DPYD: variants seen among roughly 807,000 people sequenced by gnomAD.
DPYD encodes the protein dihydropyrimidine dehydrogenase [NADP(+)].
DPYD carries 109 observed loss-of-function variants against 116.2 expected under a neutral mutation model. That is an observed-to-expected ratio of 0.94 (90% CI 0.80 to 1.10). The LOEUF (loss-of-function observed/expected upper bound fraction) is 1.10. DPYD is among the 50% of genes least tolerant of loss of function. The pLI, the probability that DPYD is intolerant of heterozygous loss-of-function variation, is 0.00. For missense variants in DPYD, 1,302 were observed against 1,254.5 expected (o/e 1.04, Z -0.57); for synonymous variants, 440 against 432.0 (o/e 1.02, Z -0.23).
At chr1:97,529,339 A>G (rs1003199462) in intron 12 of DPYD, among the ~76,000 whole-genome samples, 1 of 152,200 alleles carries the variant, frequency 6.6e-6, no homozygotes, top group African/African-American at 2.4e-5. Context: ...GGAACACAAC[A>G]GTTAACAGAG....
intron 2 of DPYD, among the ~76,000 whole-genome samples, chr1:97,830,073 T>C (rs1471704395): frequency 6.6e-6 from 1 of 152,164 alleles, no homozygotes. Context: ...TCAAAGGACA[T>C]GAATTCATCC....
chr1:97,157,527 C>A (rs992526193), intron 20 of DPYD, among the ~76,000 whole-genome samples: 1 of 152,094 alleles, frequency 6.6e-6, no homozygotes, highest in African/African-American at 2.4e-5. Context: ...ATGGAGTTTC[C>A]TATTATTAAG....
intron 14 of DPYD, among the ~76,000 whole-genome samples, chr1:97,421,104 G>C (rs1674556768): frequency 6.6e-6 from 1 of 152,014 alleles, no homozygotes; most frequent in Non-Finnish European, 1.5e-5. Flanking sequence ...TCACTAACTT[G>C]CCATGTGTAC....
At chr1:97,860,071 G>A (rs1341581301) in intron 2 of DPYD, among the ~76,000 whole-genome samples, 5 of 152,046 alleles carry the variant, frequency 3.3e-5, no homozygotes, top group Non-Finnish European at 7.4e-5. Context: ...GGCTGGGTGC[G>A]GTGGCTCACG....
chr1:97,689,599 G>A (rs1331408590), intron 7 of DPYD, among the ~76,000 whole-genome samples: 1 of 151,934 alleles, frequency 6.6e-6, no homozygotes, highest in Admixed American at 6.6e-5. Context: ...CAAACAGTAT[G>A]AACCCACAAA....
chr1:97,444,457 A>C (rs571067411), intron 14 of DPYD, among the ~76,000 whole-genome samples: 1 of 152,308 alleles, frequency 6.6e-6, no homozygotes, highest in African/African-American at 2.4e-5. Flanking sequence ...AAACATATGA[A>C]ATGCTCTTAA....
At chr1:97,627,809 T>C (rs1375625092) in intron 8 of DPYD, among the ~76,000 whole-genome samples, 1 of 151,508 alleles carries the variant, frequency 6.6e-6, no homozygotes, top group Non-Finnish European at 1.5e-5. Flanking sequence ...ATAACATTAC[T>C]AATAGTATTA....
intron 18 of DPYD, among the ~76,000 whole-genome samples, chr1:97,239,837 T>C (rs552631780): frequency 6.6e-6 from 1 of 152,042 alleles, no homozygotes; most frequent in African/African-American, 2.4e-5. Context: ...ATAATAAAAA[T>C]TGTAATAACG....
At chr1:97,529,973 T>C (rs1261055649) in intron 12 of DPYD, among the ~76,000 whole-genome samples, 4 of 150,842 alleles carry the variant, frequency 2.7e-5, no homozygotes, top group African/African-American at 7.3e-5. Flanking sequence ...CTTTCCAATA[T>C]ACCCAGCATC....
At chr1:97,870,224 T>C (rs147676211) in intron 2 of DPYD, among the ~76,000 whole-genome samples, 459 of 151,924 alleles carry the variant, frequency 3.0e-3, no homozygotes, top group Non-Finnish European at 5.7e-3. Context: ...GAAAATAAAA[T>C]ATTCCATTCT....
chr1:97,763,740 TTTGA>T (rs2101134632), intron 3 of DPYD, among the ~76,000 whole-genome samples: 1 of 152,214 alleles, frequency 6.6e-6, no homozygotes, highest in Non-Finnish European at 1.5e-5. Flanking sequence ...GATTTATTAA[TTTGA>T]TTATTTTTGA....
chr1:97,609,776 T>C (rs1217605666), intron 8 of DPYD, among the ~76,000 whole-genome samples: 2 of 151,966 alleles, frequency 1.3e-5, no homozygotes, highest in African/African-American at 2.4e-5. Context: ...TGGCATACAA[T>C]GCTATGTGGT....
chr1:97,541,278 G>C (rs1650433586), intron 12 of DPYD, among the ~76,000 whole-genome samples: 1 of 152,156 alleles, frequency 6.6e-6, no homozygotes, highest in East Asian at 1.9e-4. Flanking sequence ...TTATATGGAT[G>C]CAAAAAGAAA....
intron 8 of DPYD, among the ~76,000 whole-genome samples, chr1:97,651,486 G>A (rs553718313): frequency 7.4e-4 from 112 of 152,058 alleles, no homozygotes; most frequent in African/African-American, 2.4e-3. Flanking sequence ...GTTTTCACCC[G>A]CTGCAAGGCT....
intron 3 of DPYD, among the ~76,000 whole-genome samples, chr1:97,825,787 A>G (rs965210025): frequency 4.6e-5 from 7 of 152,134 alleles, no homozygotes; most frequent in African/African-American, 1.7e-4. Context: ...AAAAAGAAAG[A>G]AAGAAAAACG....
chr1:97,853,964 C>A (rs1439826785), intron 2 of DPYD, among the ~76,000 whole-genome samples: 1 of 152,142 alleles, frequency 6.6e-6, no homozygotes, highest in Non-Finnish European at 1.5e-5. Context: ...AAAGACATTT[C>A]TTATAGGAAC....
Position 97,761,463 on chromosome 1 carries a change from G to C in DPYD, c.234-20984C>G, listed in dbSNP as rs566299323. Among the ~76,000 whole-genome samples, 431 of 152,116 alleles carry C rather than the reference G, an allele frequency of 2.8e-3. 3 individuals are homozygous for C. Among genetic ancestry groups the C allele is most frequent in the African/African-American group, 9.5e-3 (395 of 41,498 alleles). On this transcript the variant is annotated intron_variant, in intron 3 of 22. Transcript: ENST00000370192. Reference sequence around the variant, plus strand: ...AATGGAGGGTACTAAAATAAGCCAAGCAGAAATTCTAAAGATAGAAAATCC... The same window carrying C: ...AATGGAGGGTACTAAAATAAGCCAACCAGAAATTCTAAAGATAGAAAATCC...
chr1:97,526,407 C>T (rs1649101945), intron 12 of DPYD, among the ~76,000 whole-genome samples: 1 of 152,050 alleles, frequency 6.6e-6, no homozygotes, highest in Admixed American at 6.6e-5. Context: ...ACTCTACTTA[C>T]CAGAAACACG....
intron 2 of DPYD, among the ~76,000 whole-genome samples, chr1:97,878,109 T>A (rs528072793): frequency 4.6e-5 from 7 of 152,118 alleles, no homozygotes; most frequent in Admixed American, 4.6e-4. Flanking sequence ...ATAGTGCTTA[T>A]AGCTAAATTC....
Sources: gnomAD v4.1 joint callset for allele counts (sites outside exome capture counted in the v4.1 genomes callset) on GRCh38, gnomAD v4.1.1 for gene constraint, MANE v1.5 for transcripts, NCBI Gene and HGNC (gene_info 2026-07-23, HGNC 2026-07-21) for gene names.